The following PILRA variants were observed in gnomAD, a reference collection of about 807,000 sequenced individuals.
PILRA encodes the protein paired immunoglobin like type 2 receptor alpha.
A neutral mutation model predicts 33.1 loss-of-function variants in PILRA; 37 were observed. That is an observed-to-expected ratio of 1.12 (90% confidence interval 0.86 to 1.47). The LOEUF is 1.47. PILRA is among the 40% of genes most tolerant of loss of function. PILRA has a pLI of 0.00. For synonymous variants in PILRA, 146 were observed against 149.9 expected, an observed-to-expected ratio of 0.97 and a Z score of 0.19; for missense variants, 312 against 376.2, an observed-to-expected ratio of 0.83 and a Z score of 1.41.
At chr7:100,381,123 G>A (rs900819699) in intron 2 of PILRA, among the ~76,000 whole-genome samples, 2 of 151,182 alleles carry the variant, frequency 1.3e-5, no homozygotes, top group East Asian at 2.0e-4. Flanking sequence ...AAAATTAGCC[G>A]GGTGTGGTGG....
upstream of PILRA, among the ~76,000 whole-genome samples, chr7:100,371,854 A>G (rs140212711): frequency 1.8e-3 from 270 of 152,304 alleles, 2 homozygotes; most frequent in African/African-American, 6.1e-3. Flanking sequence ...CACAGAAGGA[A>G]TCTCCCATGG....
intron 2 of PILRA, among the ~76,000 whole-genome samples, chr7:100,382,000 C>CT (rs1791111904): frequency 1.4e-5 from 2 of 140,416 alleles, no homozygotes. Context: ...CCTCAGTCCC[C>CT]ACCCCCACCC....
At chr7:100,390,503 GAA>G (rs1397272063) in intron 3 of PILRA, among the ~76,000 whole-genome samples, 1 of 152,210 alleles carries the variant, frequency 6.6e-6, no homozygotes. Context: ...GGCCTGGCTT[GAA>G]ACTGCAGAAG....
intron 3 of PILRA, among the ~76,000 whole-genome samples, chr7:100,395,980 T>C (rs1467618198): frequency 6.6e-6 from 1 of 151,896 alleles, no homozygotes; most frequent in Non-Finnish European, 1.5e-5. Context: ...CAAAATTAGC[T>C]GGGTGTGGTG....
intron 3 of PILRA, among the ~76,000 whole-genome samples, chr7:100,391,429 G>A (rs943609370): frequency 2.0e-5 from 3 of 152,138 alleles, no homozygotes; most frequent in Admixed American, 6.6e-5. Flanking sequence ...GCTCATGCCT[G>A]TAATCTCAAC....
intron 3 of PILRA, among the ~76,000 whole-genome samples, chr7:100,396,643 ACT>A (rs1368750339): frequency 6.6e-6 from 1 of 152,066 alleles, no homozygotes; most frequent in Admixed American, 6.6e-5. Flanking sequence ...CAAGAGCGAA[ACT>A]CTGTCTCAAA....
chr7:100,399,723 C>T lies in PILRA; in HGVS notation c.790-62C>T, dbSNP rs1791612732. On this transcript the variant is annotated intron_variant, in intron 6 of 6. Transcript: ENST00000198536. ...CAGGAGAGTCAAACTGTAGGCTTGC[C>T]GCTAAGATGGGAACAGCTCCGTCTC... 3.7e-6 allele frequency: 6 copies of T among 1,611,780 alleles called. No individual in the cohort carries two copies. The Admixed American group carries it at 5.0e-5, about 13-fold the overall frequency.
chr7:100,384,065 G>A (rs1377073233), intron 2 of PILRA, among the ~76,000 whole-genome samples: 2 of 152,120 alleles, frequency 1.3e-5, no homozygotes, highest in African/African-American at 2.4e-5. Flanking sequence ...CAGTGCACGA[G>A]GTGAGAGTTG....
chr7:100,399,222 C>A, intron 4 of PILRA, 69 bp from the exon 5 acceptor site: 1 of 1,128,108 alleles, frequency 8.9e-7, no homozygotes, highest in Non-Finnish European at 1.3e-6. Flanking sequence ...ATTACAGGTG[C>A]CACCACCCAG....
intron 2 of PILRA, among the ~76,000 whole-genome samples, chr7:100,389,396 A>G (rs1387008230): frequency 6.6e-6 from 1 of 152,222 alleles, no homozygotes; most frequent in African/African-American, 2.4e-5. Flanking sequence ...AATGGTTAAA[A>G]TGACATATTT....
chr7:100,376,908 C>T (rs753655754), intron 2 of PILRA, among the ~76,000 whole-genome samples: 7 of 151,512 alleles, frequency 4.6e-5, no homozygotes, highest in South Asian at 4.2e-4. Context: ...ACTACAAGCA[C>T]GCACCACCAC....
At chr7:100,382,290 T>C (rs1350401712) in intron 2 of PILRA, among the ~76,000 whole-genome samples, 1 of 152,180 alleles carries the variant, frequency 6.6e-6, no homozygotes, top group Non-Finnish European at 1.5e-5. Context: ...GGTTTGTGAA[T>C]GCACCAATCA....
At chr7:100,394,723 G>C (rs919282219) in intron 3 of PILRA, among the ~76,000 whole-genome samples, 1 of 151,928 alleles carries the variant, frequency 6.6e-6, no homozygotes, top group African/African-American at 2.4e-5. Flanking sequence ...AGGGTGCCAT[G>C]AGCACTTAAT....
Position 100,399,505 on chromosome 7 carries a change from C to T in PILRA, c.758-76C>T, listed in dbSNP as rs1187017365. ...CCTGACCTAGCAGATAACCTCACTC[C>T]TAGAGCCCCCTGCCCATCTCTCTCC... On this transcript the variant is annotated intron_variant, in intron 5 of 6. Transcript: ENST00000198536. 3.2e-6 allele frequency: 5 copies of T among 1,555,062 alleles called. No homozygotes were observed. In the African/African-American group the frequency reaches 4.1e-5, roughly 13 times the overall value.
In PILRA at chr7:100,399,312, G is replaced by A; in HGVS notation, c.729G>A (p.Glu243=). 1 of 1,612,744 alleles carries A rather than the reference G, an allele frequency of 6.2e-7. No homozygotes were observed. The highest frequency in any genetic ancestry group is 8.5e-7 in the Non-Finnish European group (1 of 1,178,948). The part of the protein sequence containing the change: ...TPAREPFQNT[E]EPYENIRNEG... Reference sequence around the variant, plus strand: ...ACAGGGAACCCTTCCAAAACACAGAGGAGCCATATGAGAATATCAGGAATG... The same window carrying A: ...ACAGGGAACCCTTCCAAAACACAGAAGAGCCATATGAGAATATCAGGAATG... The change falls in exon 5 of 7, where the codon GAG becomes GAA. Residue 243 remains glutamate (E), a synonymous_variant. Coordinates refer to ENST00000198536, the MANE Select transcript of PILRA (RefSeq NM_013439.3).
At chr7:100,389,551 G>A (rs1376850790) in intron 2 of PILRA, among the ~76,000 whole-genome samples, 1 of 150,460 alleles carries the variant, frequency 6.6e-6, no homozygotes, top group African/African-American at 2.4e-5. Context: ...CTGTTAAGCT[G>A]AATTTGAGGA....
upstream of PILRA, among the ~76,000 whole-genome samples, chr7:100,371,537 G>C (rs1186477134): frequency 2.0e-5 from 3 of 152,104 alleles, no homozygotes; most frequent in Non-Finnish European, 2.9e-5. Flanking sequence ...TACTTGTTGG[G>C]GGAATGTGGG....
Position 100,374,151 on chromosome 7 carries a change from C to A in PILRA, c.172C>A (p.Pro58Thr). ...GGAAATCCCCTTCTCCTTCTATTACCCCTGGGAGTTAGCCACAGCTCCCGA... is the reference window on the plus strand; with the variant it reads ...GGAAATCCCCTTCTCCTTCTATTACACCTGGGAGTTAGCCACAGCTCCCGA... Reference protein sequence around the residue: ...SVEIPFSFYYPWELATAPDVR... With the variant: ...SVEIPFSFYYTWELATAPDVR... The change falls in exon 2 of 7, where the codon CCC (proline) becomes ACC (threonine). Residue 58 changes from proline to threonine, a missense_variant. Pro to Thr is a conservative substitution (Grantham distance 38, BLOSUM62 -1). Transcript: ENST00000198536. The A allele has an allele frequency of 6.2e-7, 1 of 1,614,118 alleles. No homozygotes were observed.
intron 4 of PILRA, 114 bp downstream of exon 4, chr7:100,398,026 C>T: frequency 9.9e-7 from 1 of 1,006,758 alleles, no homozygotes; most frequent in Non-Finnish European, 1.5e-6. Context: ...CTGCCACGGC[C>T]ATTGTTGCAT....
Sources: gnomAD v4.1 joint callset for allele counts (sites outside exome capture counted in the v4.1 genomes callset) on GRCh38, gnomAD v4.1.1 for gene constraint, MANE v1.5 for transcripts, NCBI Gene and HGNC (gene_info 2026-07-23, HGNC 2026-07-21) for gene names.